The following SLC44A5 variants were observed in gnomAD, a reference collection of about 807,000 sequenced individuals.
SLC44A5 encodes solute carrier family 44 member 5, also known as choline transporter-like protein 5.
In SLC44A5, 57 loss-of-function variants were observed where a neutral mutation model predicts 101.8. The observed-to-expected ratio is 0.56, with a 90% CI of 0.45 to 0.70. The LOEUF (loss-of-function observed/expected upper bound fraction) is 0.70. SLC44A5 is among the 30% of genes least tolerant of loss of function. The pLI is 0.00. For missense variants in SLC44A5, 737 were observed against 853.1 expected (o/e 0.86, Z 1.70); for synonymous variants, 281 against 290.9 (o/e 0.97, Z 0.35).
chr1:75,256,454 T>G lies in SLC44A5; in HGVS notation c.261-5160A>C, dbSNP rs368900741. Among the ~76,000 whole-genome samples, 9 of 152,294 alleles carry G rather than the reference T, an allele frequency of 5.9e-5. No individual in the cohort carries two copies. The East Asian group carries it at 1.2e-3, about 20-fold the overall frequency. ...ATGTGAGATGATCCTATGCTGCTAATGAAGTGTGAGATTTGGCTTTGATAT... is the reference window on the plus strand; with the variant it reads ...ATGTGAGATGATCCTATGCTGCTAAGGAAGTGTGAGATTTGGCTTTGATAT... On this transcript the variant is annotated intron_variant, in intron 6 of 23. Transcript: ENST00000370859.
At chr1:75,419,130 C>T (rs1663841319) in intron 2 of SLC44A5, among the ~76,000 whole-genome samples, 1 of 151,970 alleles carries the variant, frequency 6.6e-6, no homozygotes, top group Non-Finnish European at 1.5e-5. Context: ...GAATCTAATG[C>T]TATTAAGTGA....
the SLC44A5 span, among the ~76,000 whole-genome samples, chr1:75,634,896 C>T: frequency 3.3e-5 from 5 of 151,998 alleles, no homozygotes; most frequent in Non-Finnish European, 5.9e-5. Context: ...AGAAAATTTT[C>T]GCAACTTACT....
the SLC44A5 span, among the ~76,000 whole-genome samples, chr1:75,679,764 A>G: frequency 6.6e-6 from 1 of 152,152 alleles, no homozygotes; most frequent in East Asian, 1.9e-4. Flanking sequence ...ACATAACACT[A>G]TTAACTTTAA....
At chr1:75,371,699 G>T (rs1660235520) in intron 3 of SLC44A5, among the ~76,000 whole-genome samples, 1 of 152,166 alleles carries the variant, frequency 6.6e-6, no homozygotes, top group African/African-American at 2.4e-5. Flanking sequence ...ATATTCATTT[G>T]TATTACTTTA....
intron 4 of SLC44A5, among the ~76,000 whole-genome samples, chr1:75,309,111 A>G (rs2100905766): frequency 6.6e-6 from 1 of 152,326 alleles, no homozygotes; most frequent in South Asian, 2.1e-4. Flanking sequence ...TAATAAAGAA[A>G]AGTTGAAAAC....
intron 3 of SLC44A5, among the ~76,000 whole-genome samples, chr1:75,366,079 CACCA>C (rs1221895457): frequency 5.9e-5 from 9 of 152,306 alleles, no homozygotes; most frequent in African/African-American, 2.2e-4. Flanking sequence ...GTGATTTACA[CACCA>C]CCATTAAAGT....
intron 2 of SLC44A5, among the ~76,000 whole-genome samples, chr1:75,462,702 GAATC>G (rs1666571711): frequency 6.6e-6 from 1 of 151,952 alleles, no homozygotes; most frequent in Non-Finnish European, 1.5e-5. Flanking sequence ...TAATTAAAAA[GAATC>G]AAGCAGAAAT....
At chr1:75,700,798 C>G in the SLC44A5 span, among the ~76,000 whole-genome samples, 8 of 151,992 alleles carry the variant, frequency 5.3e-5, no homozygotes, top group East Asian at 1.9e-4. Flanking sequence ...GAATCAAATA[C>G]ATGCAATAAA....
At chr1:75,408,242 G>T (rs1663035053) in intron 2 of SLC44A5, among the ~76,000 whole-genome samples, 1 of 152,144 alleles carries the variant, frequency 6.6e-6, no homozygotes, top group Admixed American at 6.5e-5. Context: ...GGAGAAATAA[G>T]AATGTTTTTA....
the SLC44A5 span, chr1:75,641,433 T>C: frequency 5.6e-6 from 7 of 1,245,886 alleles, no homozygotes; most frequent in Non-Finnish European, 8.3e-6. Context: ...TAAGCACTAC[T>C]TCTACTGCCA....
intron 2 of SLC44A5, among the ~76,000 whole-genome samples, chr1:75,490,822 T>C (rs1362935305): frequency 6.6e-6 from 1 of 152,184 alleles, no homozygotes; most frequent in Non-Finnish European, 1.5e-5. Flanking sequence ...TGTAATTCTT[T>C]ACATGGGTTA....
At chr1:75,675,683 C>T in the SLC44A5 span, among the ~76,000 whole-genome samples, 1 of 152,220 alleles carries the variant, frequency 6.6e-6, no homozygotes, top group East Asian at 1.9e-4. Flanking sequence ...GCAACTGCAA[C>T]AAAAGCAAAA....
At chr1:75,226,771 T>G (rs1413110994) in intron 13 of SLC44A5, among the ~76,000 whole-genome samples, 1 of 152,120 alleles carries the variant, frequency 6.6e-6, no homozygotes, top group Non-Finnish European at 1.5e-5. Flanking sequence ...TTGAAAATCT[T>G]GATTAAAGAA....
At chr1:75,257,613 G>A (rs1463756592) in intron 6 of SLC44A5, among the ~76,000 whole-genome samples, 1 of 152,084 alleles carries the variant, frequency 6.6e-6, no homozygotes, top group African/African-American at 2.4e-5. Context: ...TTCTAGCCAT[G>A]GGTGAGCCCC....
At chr1:75,654,199 T>C in the SLC44A5 span, among the ~76,000 whole-genome samples, 1 of 152,196 alleles carries the variant, frequency 6.6e-6, no homozygotes, top group African/African-American at 2.4e-5. Context: ...TGACCTCTAA[T>C]GATAAAGGAA....
the SLC44A5 span, among the ~76,000 whole-genome samples, chr1:75,636,238 G>A: frequency 1.3e-5 from 2 of 151,958 alleles, no homozygotes; most frequent in African/African-American, 4.8e-5. Flanking sequence ...TAAAATGATG[G>A]TGATTACAGC....
intron 4 of SLC44A5, among the ~76,000 whole-genome samples, chr1:75,318,802 T>C (rs1429519481): frequency 6.6e-6 from 1 of 152,164 alleles, no homozygotes; most frequent in African/African-American, 2.4e-5. Flanking sequence ...TTTGGTACTT[T>C]TGGCAGCTGT....
chr1:75,515,217 T>G (rs983127068), intron 2 of SLC44A5, among the ~76,000 whole-genome samples: 1 of 152,224 alleles, frequency 6.6e-6, no homozygotes, highest in Non-Finnish European at 1.5e-5. Flanking sequence ...ATGAATGTCA[T>G]GTGGAATAAC....
intron 2 of SLC44A5, among the ~76,000 whole-genome samples, chr1:75,416,388 T>C (rs1228517473): frequency 2.6e-5 from 4 of 152,220 alleles, no homozygotes; most frequent in Non-Finnish European, 4.4e-5. Context: ...AATCTCTGCC[T>C]AGATTTCAAA....
Sources: gnomAD v4.1 joint callset for allele counts (sites outside exome capture counted in the v4.1 genomes callset) on GRCh38, gnomAD v4.1.1 for gene constraint, MANE v1.5 for transcripts, NCBI Gene and HGNC (gene_info 2026-07-23, HGNC 2026-07-21) for gene names.